TMCC1: variants seen among roughly 807,000 people sequenced by gnomAD.
TMCC1 encodes the protein transmembrane and coiled-coil domains protein 1.
A neutral mutation model predicts 52.4 loss-of-function variants in TMCC1; 15 were observed. The ratio of observed to expected loss-of-function variants is 0.29; its 90% confidence interval spans 0.19 to 0.44. The LOEUF (loss-of-function observed/expected upper bound fraction) is 0.44. Among genes scored for constraint, TMCC1 ranks in the 20% least tolerant of loss-of-function variants. The pLI is 1.00. For missense variants in TMCC1, 503 were observed against 806.0 expected, an observed-to-expected ratio of 0.62 and a Z score of 4.55; for synonymous variants, 279 against 301.9, an observed-to-expected ratio of 0.92 and a Z score of 0.79.
chr3:129,680,849 GA>G (rs1211180726), intron 4 of TMCC1, among the ~76,000 whole-genome samples: 1 of 151,168 alleles, frequency 6.6e-6, no homozygotes, highest in Non-Finnish European at 1.5e-5. Flanking sequence ...GCAGTGAGCT[GA>G]GATGGAACCA....
At chr3:129,853,904 TA>T (rs1237416408) in intron 2 of TMCC1, among the ~76,000 whole-genome samples, 9 of 152,286 alleles carry the variant, frequency 5.9e-5, no homozygotes, top group African/African-American at 2.2e-4. Flanking sequence ...CTTCATATTC[TA>T]CCCATCATCA....
intron 4 of TMCC1, among the ~76,000 whole-genome samples, chr3:129,775,909 T>C (rs1248050565): frequency 2.0e-5 from 3 of 152,188 alleles, no homozygotes; most frequent in Non-Finnish European, 1.5e-5. Context: ...CCTATTGAAT[T>C]TCAGAATGAA....
intron 4 of TMCC1, among the ~76,000 whole-genome samples, chr3:129,760,644 A>AT (rs1403030971): frequency 6.6e-6 from 1 of 151,770 alleles, no homozygotes. Context: ...TGCCCGGCTA[A>AT]TTTTTTGTAT....
intron 5 of TMCC1, among the ~76,000 whole-genome samples, chr3:129,659,913 G>T (rs996318369): frequency 6.6e-6 from 1 of 152,134 alleles, no homozygotes; most frequent in Non-Finnish European, 1.5e-5. Context: ...TACTCCAAAG[G>T]GCAATTGCAA....
chr3:129,648,326 T>C lies in TMCC1; in HGVS notation c.*3155A>G, dbSNP rs575008931. 1 of 152,346 alleles carries C rather than the reference T, an allele frequency of 6.6e-6. No individual in the cohort carries two copies. The highest frequency in any genetic ancestry group is 2.4e-5 in the African/African-American group (1 of 41,592). 9.4% of individuals were successfully genotyped at this position (152,346 alleles called of 1,614,324 possible). On this transcript the variant is annotated 3_prime_UTR_variant, in exon 7 of 7. Transcript: ENST00000393238. ...ACCACATGAAAATACGCTCATTATTTGGACATGGCTAGTGAGGAAGGCTCG... is the reference window on the plus strand; with the variant it reads ...ACCACATGAAAATACGCTCATTATTCGGACATGGCTAGTGAGGAAGGCTCG...
At chr3:129,883,067 T>C (rs1353373397) in intron 1 of TMCC1, among the ~76,000 whole-genome samples, 1 of 151,556 alleles carries the variant, frequency 6.6e-6, no homozygotes, top group African/African-American at 2.4e-5. Context: ...AGTGGGCAGA[T>C]CACCTGAGGT....
intron 4 of TMCC1, among the ~76,000 whole-genome samples, chr3:129,802,485 T>C (rs950477571): frequency 1.2e-4 from 18 of 152,242 alleles, no homozygotes; most frequent in Admixed American, 3.3e-4. Context: ...GAGACCACTG[T>C]AGTCCCAGCT....
chr3:129,806,295 A>G (rs903781692), intron 4 of TMCC1, among the ~76,000 whole-genome samples: 25 of 152,340 alleles, frequency 1.6e-4, no homozygotes, highest in African/African-American at 6.0e-4. Context: ...TAGATAAAAG[A>G]TTCCAATAAA....
At chr3:129,768,238 C>T (rs894673467) in intron 4 of TMCC1, among the ~76,000 whole-genome samples, 11 of 152,068 alleles carry the variant, frequency 7.2e-5, no homozygotes, top group Non-Finnish European at 1.6e-4. Flanking sequence ...AGTTTGCTTT[C>T]GGTATGTTAT....
At chr3:129,836,514 C>A (rs1206239546) in intron 2 of TMCC1, among the ~76,000 whole-genome samples, 1 of 152,136 alleles carries the variant, frequency 6.6e-6, no homozygotes, top group Non-Finnish European at 1.5e-5. Context: ...ATTCTCTGAC[C>A]ACAATGTGGA....
intron 4 of TMCC1, among the ~76,000 whole-genome samples, chr3:129,768,628 T>G (rs538920179): frequency 1.2e-4 from 19 of 152,226 alleles, no homozygotes; most frequent in Non-Finnish European, 2.6e-4. Flanking sequence ...GGTTTAGGAC[T>G]GTGCACATAG....
chr3:129,852,010 G>A lies in TMCC1; in HGVS notation c.-183-19184C>T, dbSNP rs572136745. 3.0e-4 allele frequency among the ~76,000 whole-genome samples: 46 copies of A among 151,884 alleles called. No homozygotes were observed. In the South Asian group the frequency reaches 8.3e-3, roughly 27 times the overall value. On this transcript the variant is annotated intron_variant, in intron 2 of 6. Coordinates refer to ENST00000393238, the MANE Select transcript of TMCC1 (RefSeq NM_001017395.5). ...ACTAAAAATTCAAAAAAAATTAGCC[G>A]GGTGTGGTTGCACATGCCTGTAGTC...
chr3:129,688,650 T>C, intron 4 of TMCC1: 6 of 985,512 alleles, frequency 6.1e-6, no homozygotes, highest in Non-Finnish European at 7.2e-6. Flanking sequence ...GAGAACTCTG[T>C]GCTGAATAAA....
In TMCC1 at chr3:129,670,595, T is replaced by C; in HGVS notation, c.1246A>G (p.Lys416Glu). 1 of 1,614,182 alleles carries C rather than the reference T, an allele frequency of 6.2e-7. No homozygotes were observed. Among genetic ancestry groups the C allele is most frequent in the Non-Finnish European group, 8.5e-7 (1 of 1,180,036 alleles). The change falls in exon 5 of 7, where the codon AAA (lysine) becomes GAA (glutamate). Residue 416 changes from lysine to glutamate, a missense_variant. Around this residue, in one of 7 missense-constraint regions of TMCC1, gnomAD observed 2 missense variants for 21.2 expected, o/e 0.09. Transcript: ENST00000393238. The stretch of plus-strand genomic sequence containing the variant: ...GAACAATCTTCTTCACTACCATATT[T>C]TGGGCTAGACTGAAAGTTTGAAATC... ...GVISNFQSSPKYGSEEDCSSA... is the reference protein window; with the variant it reads ...GVISNFQSSPEYGSEEDCSSA...
Position 129,833,255 on chromosome 3 carries a change from T to C in TMCC1, c.-183-429A>G, listed in dbSNP as rs2059002817. Reference sequence around the variant, plus strand: ...TTCAAGTAGTTTCCTAATCTGTATCTGCCATTCTCTATTCAAAGGCAATTC... The same window carrying C: ...TTCAAGTAGTTTCCTAATCTGTATCCGCCATTCTCTATTCAAAGGCAATTC... On this transcript the variant is annotated intron_variant, in intron 2 of 6. Coordinates refer to ENST00000393238, the MANE Select transcript of TMCC1 (RefSeq NM_001017395.5). 2.0e-5 allele frequency among the ~76,000 whole-genome samples: 3 copies of C among 152,164 alleles called. No homozygotes were observed. The South Asian group carries it at 6.2e-4, about 31-fold the overall frequency.
At chr3:129,668,695 G>A (rs1576375108) in intron 5 of TMCC1, among the ~76,000 whole-genome samples, 2 of 152,128 alleles carry the variant, frequency 1.3e-5, no homozygotes, top group South Asian at 2.1e-4. Flanking sequence ...GCACGATCTC[G>A]GCTCACTGCA....
At chr3:129,827,743 G>A (rs2107832802) in intron 4 of TMCC1, 60 bp downstream of exon 4, 1 of 1,536,344 alleles carries the variant, frequency 6.5e-7, no homozygotes. Context: ...AGGAAAGTCT[G>A]GAGAGTCCTA....
chr3:129,859,665 C>T (rs2060298488), intron 2 of TMCC1, among the ~76,000 whole-genome samples: 1 of 150,948 alleles, frequency 6.6e-6, no homozygotes, highest in South Asian at 2.1e-4. Flanking sequence ...CACACACACA[C>T]ACACACACAC....
Position 129,651,945 on chromosome 3 carries a change from G to A in TMCC1, c.1648-150C>T. 3 of 918,398 alleles carry A rather than the reference G, an allele frequency of 3.3e-6. No homozygotes were observed. Among genetic ancestry groups the A allele is most frequent in the South Asian group, 1.8e-5 (1 of 55,460 alleles). The allele number at this position is 918,398 out of a possible 1,614,324, so 56.9% of individuals were successfully genotyped here. A position where few individuals can be genotyped will look rare whatever the true frequency, so the allele number is the denominator to read the frequency against. ...CTTGAATGAATGTAAAAGGCTAGATGTATAACTCACTATTCAAGTGATTAT... is the reference window on the plus strand; with the variant it reads ...CTTGAATGAATGTAAAAGGCTAGATATATAACTCACTATTCAAGTGATTAT... On this transcript the variant is annotated intron_variant, in intron 6 of 6. Coordinates refer to ENST00000393238, the MANE Select transcript of TMCC1 (RefSeq NM_001017395.5). The surrounding 1 kb of genome is among the most constrained non-coding windows in gnomAD (Gnocchi z 5.1).
Sources: allele counts gnomAD v4.1 joint callset (sites outside exome capture counted in the v4.1 genomes callset), GRCh38; gene constraint gnomAD v4.1.1; regional missense constraint gnomAD v4.1.1; non-coding constraint Gnocchi (gnomAD v3.1); transcripts MANE v1.5; gene names NCBI Gene and HGNC (gene_info 2026-07-23, HGNC 2026-07-21).